The following NCBP3 variants were observed in gnomAD, a reference collection of about 807,000 sequenced individuals.
The protein encoded by NCBP3 is nuclear cap-binding protein subunit 3.
NCBP3 carries 20 observed loss-of-function variants against 75.7 expected under a neutral mutation model. The ratio of observed to expected loss-of-function variants is 0.26; its 90% CI spans 0.19 to 0.38. The LOEUF is 0.38. NCBP3 is among the 10% of genes least tolerant of loss of function. The pLI, the probability that NCBP3 is intolerant of heterozygous loss-of-function variation, is 1.00. For synonymous variants in NCBP3, 293 were observed against 290.5 expected, an observed-to-expected ratio of 1.01 and a Z score of -0.09; for missense variants, 678 against 796.9, an observed-to-expected ratio of 0.85 and a Z score of 1.80.
chr17:3,816,255 T>C lies in NCBP3; in HGVS notation c.1326A>G (p.Ala442=), dbSNP rs768140039. Residue 442 remains alanine, a synonymous_variant, in exon 11 of 13, where the codon GCA becomes GCG. Coordinates refer to ENST00000389005, the MANE Select transcript of NCBP3 (RefSeq NM_001114118.3). The part of the protein sequence containing the change: ...QLKNIRNSMR[A]DSVSSSNIKN... ...TGATATTGCTTGAAGATACACTATC[T>C]GCCCTCATGGAGTTCCTTTAAAAAG... 1.2e-6 allele frequency: 2 copies of C among 1,614,102 alleles called. No individual in the cohort carries two copies. The highest frequency in any genetic ancestry group is 3.3e-5 in the Admixed American group (2 of 60,000).
At chr17:3,839,628 A>G (rs12602844) in intron 3 of NCBP3, among the ~76,000 whole-genome samples, 63,170 of 152,028 alleles carry the variant, frequency 0.42, 14,432 homozygotes, top group East Asian at 0.61. Flanking sequence ...GATTACAGGC[A>G]TGAGCCACCA....
intron 4 of NCBP3, among the ~76,000 whole-genome samples, chr17:3,828,583 A>C (rs1484161285): frequency 6.6e-6 from 1 of 152,184 alleles, no homozygotes; most frequent in African/African-American, 2.4e-5. Context: ...AAGTAAGTCA[A>C]GACAAGAAGC....
At chr17:3,845,948 G>C in intron 1 of NCBP3, 93 bp downstream of exon 1, 5 of 1,388,140 alleles carry the variant, frequency 3.6e-6, no homozygotes, top group Middle Eastern at 2.2e-4. Context: ...TGACTTCCCC[G>C]GCTGGGGCTC....
At chr17:3,826,497 G>A (rs2053785864) in intron 4 of NCBP3, among the ~76,000 whole-genome samples, 1 of 152,066 alleles carries the variant, frequency 6.6e-6, no homozygotes, top group Non-Finnish European at 1.5e-5. Context: ...AAGTCATGGT[G>A]GCATGAGCCG....
At chr17:3,845,656 C>T (rs1479149437) in intron 1 of NCBP3, among the ~76,000 whole-genome samples, 1 of 152,176 alleles carries the variant, frequency 6.6e-6, no homozygotes, top group Non-Finnish European at 1.5e-5. Context: ...GTTGCTGGCG[C>T]CACCCAACAG....
intron 4 of NCBP3, 100 bp from the exon 5 acceptor site, chr17:3,826,315 A>C (rs2143673451): frequency 8.8e-7 from 1 of 1,142,030 alleles, no homozygotes; most frequent in Admixed American, 2.8e-5. Flanking sequence ...CTCATCTAGC[A>C]ACAGATTATC....
chr17:3,813,248 G>A lies in NCBP3; in HGVS notation c.1659C>T (p.Pro553=), dbSNP rs940329659. The stretch of plus-strand genomic sequence containing the variant: ...TCTTCGTATTCTTTTCTTTGGTCTT[G>A]GGTGCAGATCCTAGGCGAGTCCATA... ...GNLWTRLGSA[P]KTKEKNTKKV... The change falls in exon 13 of 13, where the codon CCC becomes CCT. Residue 553 remains proline (P), a synonymous_variant. Transcript: ENST00000389005. 16 of 1,614,118 alleles carry A rather than the reference G, an allele frequency of 9.9e-6. No homozygotes were observed. The highest frequency in any genetic ancestry group is 1.6e-4 in the Middle Eastern group (1 of 6,084).
chr17:3,824,858 AC>A (rs2053754759), intron 7 of NCBP3, 83 bp downstream of exon 7: 1 of 691,948 alleles, frequency 1.4e-6, no homozygotes, highest in Non-Finnish European at 2.3e-6. Flanking sequence ...ACTTGATCTA[AC>A]TTCTATTCAA....
chr17:3,813,182 A>C lies in NCBP3; in HGVS notation c.1725T>G (p.Ser575=), dbSNP rs749911889. Residue 575 remains serine (S), a synonymous_variant, in exon 13 of 13, where the codon TCT becomes TCG. Coordinates refer to ENST00000389005, the MANE Select transcript of NCBP3 (RefSeq NM_001114118.3). ...GAGCCCCCCATGCCCTTTGCAGCTC[A>C]GAGTCGTCTTCCTCAGCGCCAGGCG... The part of the protein sequence containing the change: ...HRAPGAEEDD[S]ELQRAWGALI... 6.2e-7 allele frequency: 1 copy of C among 1,614,256 alleles called. No homozygotes were observed. Among genetic ancestry groups the C allele is most frequent in the Non-Finnish European group, 8.5e-7 (1 of 1,180,050 alleles).
intron 1 of NCBP3, among the ~76,000 whole-genome samples, chr17:3,844,639 T>G (rs1365287220): frequency 2.0e-5 from 3 of 152,010 alleles, no homozygotes; most frequent in Non-Finnish European, 4.4e-5. Context: ...TCACCTGAGG[T>G]CAGGTGTTCG....
In NCBP3 at chr17:3,826,070, C is replaced by G; in HGVS notation, c.610+17G>C. ...AAGAGGACTTTCAGACCCCAGTTCCCTCCTTTGTGTTGTTACCTTTTTTCC... is the reference window on the plus strand; with the variant it reads ...AAGAGGACTTTCAGACCCCAGTTCCGTCCTTTGTGTTGTTACCTTTTTTCC... On this transcript the variant is annotated intron_variant, in intron 5 of 12. Transcript: ENST00000389005. 1 of 1,548,702 alleles carries G rather than the reference C, an allele frequency of 6.5e-7. No homozygotes were observed. The highest frequency in any genetic ancestry group is 1.2e-5 in the South Asian group (1 of 83,736).
chr17:3,838,448 T>C (rs544878457), intron 3 of NCBP3, among the ~76,000 whole-genome samples: 1 of 152,244 alleles, frequency 6.6e-6, no homozygotes, highest in East Asian at 1.9e-4. Context: ...TCACAGGACT[T>C]CTCCTCAAAC....
intron 3 of NCBP3, among the ~76,000 whole-genome samples, chr17:3,837,946 A>G (rs2054003259): frequency 6.6e-6 from 1 of 152,004 alleles, no homozygotes; most frequent in South Asian, 2.1e-4. Context: ...CTTTTTTAGG[A>G]ATATCTTTAG....
At chr17:3,843,242 CCTTT>C (rs1340990787) in intron 1 of NCBP3, 91 bp from the exon 2 acceptor site, 34 of 904,538 alleles carry the variant, frequency 3.8e-5, no homozygotes, top group South Asian at 3.7e-4. Context: ...GTTCTTTTTT[CCTTT>C]TTTTTTTTTT....
chr17:3,824,926 C>T lies in NCBP3; in HGVS notation c.796+16G>A. The T allele has an allele frequency of 1.5e-6, 2 of 1,342,454 alleles. No individual in the cohort carries two copies. Among genetic ancestry groups the T allele is most frequent in the Non-Finnish European group, 2.1e-6 (2 of 973,180 alleles). 83.2% of individuals were successfully genotyped at this position (1,342,454 alleles called of 1,614,324 possible). A position where few individuals can be genotyped will look rare whatever the true frequency, so the allele number is the denominator to read the frequency against. ...TTTGATTGAAAATATAAAACAATAC[C>T]AAATATTACATTTACCTTTTGTAGC... is the stretch of plus-strand genomic sequence containing the variant. On this transcript the variant is annotated intron_variant, in intron 7 of 12. Coordinates refer to ENST00000389005, the MANE Select transcript of NCBP3 (RefSeq NM_001114118.3).
intron 2 of NCBP3, among the ~76,000 whole-genome samples, chr17:3,842,812 ATT>A (rs917149639): frequency 6.6e-5 from 10 of 151,996 alleles, no homozygotes; most frequent in African/African-American, 2.4e-4. Context: ...CACCCGACTA[ATT>A]TTTGTATCTT....
intron 3 of NCBP3, among the ~76,000 whole-genome samples, chr17:3,837,747 A>AG (rs1014351627): frequency 6.6e-6 from 1 of 151,364 alleles, no homozygotes; most frequent in African/African-American, 2.4e-5. Context: ...AAAAAAAAAA[A>AG]AAAGAAAAGA....
rs984093273 is a variant in NCBP3 at position 3,810,625 on chromosome 17, G to T, written c.*2419C>A. ...TCATTCAGGACACACTCAAGATGTT[G>T]CAAGATCTGAGTGACTGAGAGTGGG... On this transcript the variant is annotated 3_prime_UTR_variant, in exon 13 of 13. Transcript: ENST00000389005. The T allele has an allele frequency of 4.6e-5, 7 of 152,194 alleles. No individual in the cohort carries two copies. The highest frequency in any genetic ancestry group is 2.6e-4 in the Admixed American group (4 of 15,282). 9.4% of individuals were successfully genotyped at this position (152,194 alleles called of 1,614,324 possible).
At chr17:3,821,806 C>A in intron 8 of NCBP3, 147 bp downstream of exon 8, 1 of 636,820 alleles carries the variant, frequency 1.6e-6, no homozygotes, top group Non-Finnish European at 2.8e-6. Flanking sequence ...TCAGCATTCC[C>A]CATCATTTAC....
Sources: allele counts gnomAD v4.1 joint callset (sites outside exome capture counted in the v4.1 genomes callset), GRCh38; gene constraint gnomAD v4.1.1; transcripts MANE v1.5; gene names NCBI Gene and HGNC (gene_info 2026-07-23, HGNC 2026-07-21).